NDST1: variants seen among roughly 807,000 people sequenced by gnomAD.
NDST1 encodes N-deacetylase and N-sulfotransferase 1.
NDST1 carries 35 observed loss-of-function variants against 92.8 expected under a neutral mutation model. The observed-to-expected ratio is 0.38, with a 90% CI of 0.29 to 0.50. The LOEUF (loss-of-function observed/expected upper bound fraction) is 0.50. Among genes scored for constraint, NDST1 ranks in the 20% least tolerant of loss-of-function variants. The pLI is 0.94. For synonymous variants in NDST1, 493 were observed against 500.3 expected, an observed-to-expected ratio of 0.99 and a Z score of 0.19; for missense variants, 822 against 1,182.7, an observed-to-expected ratio of 0.69 and a Z score of 4.47.
At chr5:150,548,532 T>A in intron 12 of NDST1, 144 bp downstream of exon 12, 1 of 828,198 alleles carries the variant, frequency 1.2e-6, no homozygotes, top group Non-Finnish European at 1.9e-6. Flanking sequence ...ATAAAAAGAT[T>A]TTATTATTAT....
At chr5:150,552,072 T>G (rs1489240263) in intron 14 of NDST1, among the ~76,000 whole-genome samples, 1 of 152,216 alleles carries the variant, frequency 6.6e-6, no homozygotes, top group Non-Finnish European at 1.5e-5. Flanking sequence ...TACTAAGGGC[T>G]GAGTGCTGTG....
intron 14 of NDST1, 75 bp downstream of exon 14, chr5:150,551,930 C>G (rs1323200923): frequency 6.3e-7 from 1 of 1,579,372 alleles, no homozygotes; most frequent in Non-Finnish European, 8.6e-7. Flanking sequence ...GGGGGATTCT[C>G]TTTCCTTTAC....
chr5:150,538,289 G>A (rs1263412846), intron 6 of NDST1, among the ~76,000 whole-genome samples: 6 of 152,254 alleles, frequency 3.9e-5, no homozygotes, highest in Non-Finnish European at 8.8e-5. Flanking sequence ...ATGGCCATGG[G>A]CTTTTAGGCT....
In NDST1 at chr5:150,555,896, A is replaced by C. The variant is rs1394097490; in HGVS notation, c.*2564A>C. 1 of 152,304 alleles carries C rather than the reference A, an allele frequency of 6.6e-6. No individual in the cohort carries two copies. Among genetic ancestry groups the C allele is most frequent in the Non-Finnish European group, 1.5e-5 (1 of 68,134 alleles). 9.4% of individuals were successfully genotyped at this position (152,304 alleles called of 1,614,324 possible). A position where few individuals can be genotyped will look rare whatever the true frequency, so the allele number is the denominator to read the frequency against. The stretch of plus-strand genomic sequence containing the variant: ...CAAGCCTGGAGACTGGACCTGCCAC[A>C]TGTTCCAAGTCTGTCTGCCTAGGTC... On this transcript the variant is annotated 3_prime_UTR_variant, in exon 15 of 15. Transcript: ENST00000261797.
intron 3 of NDST1, among the ~76,000 whole-genome samples, chr5:150,529,208 A>G (rs1459474602): frequency 6.6e-6 from 1 of 151,994 alleles, no homozygotes; most frequent in Non-Finnish European, 1.5e-5. Flanking sequence ...CTTGAGCAAC[A>G]TAAGGAGACC....
chr5:150,544,669 G>A (rs915398581), intron 10 of NDST1, among the ~76,000 whole-genome samples: 2 of 152,164 alleles, frequency 1.3e-5, no homozygotes, highest in Non-Finnish European at 2.9e-5. Context: ...GATTCCCCTG[G>A]GAGGGTCTGG....
intron 1 of NDST1, among the ~76,000 whole-genome samples, chr5:150,501,621 CAAT>C (rs2151235254): frequency 1.3e-5 from 2 of 152,242 alleles, no homozygotes; most frequent in South Asian, 4.1e-4. Flanking sequence ...ATGAGGGAGA[CAAT>C]AGTCCCTCAT....
In NDST1 at chr5:150,528,283, G is replaced by A; in HGVS notation, c.993G>A (p.Lys331=). Residue 331 remains lysine, a synonymous_variant, in exon 3 of 15, where the codon AAG becomes AAA. Transcript: ENST00000261797. The stretch of plus-strand genomic sequence containing the variant: ...TGGGCAAGGAGGGCACACGCATGAA[G>A]GTGGAGGACGTGAAGGTATGGCCGG... ...IFVGKEGTRM[K]VEDVKALFDT... is the part of the protein sequence containing the mutation. 2 of 1,599,026 alleles carry A rather than the reference G, an allele frequency of 1.3e-6. No homozygotes were observed. The highest frequency in any genetic ancestry group is 2.2e-5 in the East Asian group (1 of 44,550).
chr5:150,556,850 C>T lies in NDST1; in HGVS notation c.*3518C>T, dbSNP rs548104562. 6.5e-6 allele frequency: 1 copy of T among 152,780 alleles called. No homozygotes were observed. The highest frequency in any genetic ancestry group is 1.9e-4 in the East Asian group (1 of 5,188). 9.5% of individuals were successfully genotyped at this position (152,780 alleles called of 1,614,324 possible). A position where few individuals can be genotyped will look rare whatever the true frequency, so the allele number is the denominator to read the frequency against. ...TTGGAATCAGCATCCAGTCACGGTG[C>T]ACACATTGCATTTTCTAACTATGTT... On this transcript the variant is annotated 3_prime_UTR_variant, in exon 15 of 15. Transcript: ENST00000261797.
At chr5:150,520,831 C>T (rs1473682961) in intron 1 of NDST1, 37 bp from the exon 2 acceptor site, 5 of 412,976 alleles carry the variant, frequency 1.2e-5, no homozygotes, top group Admixed American at 3.9e-5. Flanking sequence ...CCCTGAAGCC[C>T]GCACTCTGAC....
At chr5:150,515,878 G>A (rs1014679548) in intron 1 of NDST1, among the ~76,000 whole-genome samples, 1 of 152,178 alleles carries the variant, frequency 6.6e-6, no homozygotes, top group African/African-American at 2.4e-5. Context: ...GCCTCTGAGT[G>A]GGTTGCAGAG....
intron 1 of NDST1, among the ~76,000 whole-genome samples, chr5:150,516,994 TG>T: frequency 6.6e-6 from 1 of 151,530 alleles, no homozygotes; most frequent in South Asian, 2.1e-4. Context: ...TGTGTGTGTG[TG>T]TGTGTGTGTG....
chr5:150,545,662 G>A (rs1023685120), intron 11 of NDST1, among the ~76,000 whole-genome samples, 176 bp downstream of exon 11: 17 of 152,246 alleles, frequency 1.1e-4, no homozygotes, highest in Non-Finnish European at 2.5e-4. Context: ...GGAGACAGGC[G>A]GAAATGGAAA....
At position 150,551,727 on chromosome 5, in the gene NDST1, A is replaced by G. The variant is rs202089792; in HGVS notation, c.2427-26A>G. 118 of 1,610,580 alleles carry G rather than the reference A, an allele frequency of 7.3e-5. No individual in the cohort carries two copies. The African/African-American group carries it at 7.9e-4, about 11-fold the overall frequency. ...GAAGTGGGTGGCTGAGCCAGCTCCCATCCAAAGACTTTCCCACCTCCACAG... is the reference window on the plus strand; with the variant it reads ...GAAGTGGGTGGCTGAGCCAGCTCCCGTCCAAAGACTTTCCCACCTCCACAG... On this transcript the variant is annotated intron_variant, in intron 13 of 14. Transcript: ENST00000261797.
At chr5:150,545,998 T>A (rs1262131298) in intron 11 of NDST1, among the ~76,000 whole-genome samples, 2 of 145,198 alleles carry the variant, frequency 1.4e-5, no homozygotes, top group African/African-American at 2.6e-5. Context: ...TGTCTTTTTT[T>A]TTTTTTTTTT....
intron 1 of NDST1, among the ~76,000 whole-genome samples, chr5:150,502,571 T>C (rs1753282948): frequency 6.6e-6 from 1 of 152,048 alleles, no homozygotes; most frequent in Non-Finnish European, 1.5e-5. Flanking sequence ...CCTGTTGCTG[T>C]CAGGAACAGC....
At chr5:150,536,979 G>T (rs1178279556) in intron 6 of NDST1, among the ~76,000 whole-genome samples, 1 of 152,246 alleles carries the variant, frequency 6.6e-6, no homozygotes, top group East Asian at 1.9e-4. Flanking sequence ...ATATGCTCAT[G>T]CATGTGTGTT....
intron 2 of NDST1, among the ~76,000 whole-genome samples, chr5:150,523,409 T>C (rs528376391): frequency 6.6e-6 from 1 of 152,348 alleles, no homozygotes; most frequent in East Asian, 1.9e-4. Context: ...CTCAGTGCCA[T>C]GCACCGTCTA....
intron 1 of NDST1, among the ~76,000 whole-genome samples, chr5:150,517,957 GGGCTGGGCTGC>G (rs576925544): frequency 3.9e-5 from 6 of 152,200 alleles, no homozygotes; most frequent in Non-Finnish European, 8.8e-5. Flanking sequence ...CCAAGGGGTG[GGGCTGGGCTGC>G]GGCCACAGGC....
Sources: gnomAD v4.1 joint callset for allele counts (sites outside exome capture counted in the v4.1 genomes callset) on GRCh38, gnomAD v4.1.1 for gene constraint, MANE v1.5 for transcripts, NCBI Gene and HGNC (gene_info 2026-07-23, HGNC 2026-07-21) for gene names.